Variants in TDRD9 observed in about 807,000 individuals in gnomAD.
The protein encoded by TDRD9 is ATP-dependent RNA helicase TDRD9.
Under a neutral mutation model 172.6 loss-of-function variants are expected in TDRD9, and 124 were observed. That is an observed-to-expected ratio of 0.72 (90% CI 0.62 to 0.83). The LOEUF (loss-of-function observed/expected upper bound fraction) is 0.83. TDRD9 is among the 40% of genes least tolerant of loss of function. The probability of loss-of-function intolerance (pLI) is 0.00; values close to 1 mark genes in which losing one functional copy is unlikely to be tolerated. For missense variants in TDRD9, 1,479 were observed against 1,714.1 expected, an observed-to-expected ratio of 0.86 and a Z score of 2.42; for synonymous variants, 619 against 617.1, an observed-to-expected ratio of 1.00 and a Z score of -0.05.
intron 34 of TDRD9, among the ~76,000 whole-genome samples, chr14:104,045,056 T>C (rs1236395425): frequency 6.6e-6 from 1 of 151,874 alleles, no homozygotes; most frequent in African/African-American, 2.4e-5. Context: ...GGCAGGAGAA[T>C]TGCTTGAACC....
intron 10 of TDRD9, 46 bp from the exon 11 acceptor site, chr14:103,994,473 A>T (rs1283691353): frequency 1.2e-6 from 2 of 1,604,808 alleles, no homozygotes; most frequent in East Asian, 2.2e-5. Context: ...TTTGTATCTC[A>T]TGTATATCTA....
chr14:103,978,211 T>C (rs759090104), intron 7 of TDRD9, among the ~76,000 whole-genome samples: 2 of 152,136 alleles, frequency 1.3e-5, no homozygotes, highest in South Asian at 2.1e-4. Context: ...GTGAAGAATG[T>C]CATTGGTATT....
intron 11 of TDRD9, among the ~76,000 whole-genome samples, chr14:103,995,068 T>C (rs1010983588): frequency 6.6e-6 from 1 of 152,256 alleles, no homozygotes; most frequent in Non-Finnish European, 1.5e-5. Flanking sequence ...TTTTGTGTTT[T>C]ATTTTGTAAA....
chr14:103,932,589 G>T (rs1341256295), intron 1 of TDRD9, among the ~76,000 whole-genome samples: 1 of 151,976 alleles, frequency 6.6e-6, no homozygotes, highest in Non-Finnish European at 1.5e-5. Context: ...GGGTTTCACC[G>T]TGTTAGCCAG....
At chr14:103,949,188 G>A (rs534602130) in intron 1 of TDRD9, among the ~76,000 whole-genome samples, 4 of 152,284 alleles carry the variant, frequency 2.6e-5, no homozygotes, top group African/African-American at 9.6e-5. Flanking sequence ...ATTGTGAATA[G>A]CATGATTCAT....
chr14:104,041,547 G>C (rs896461139), intron 33 of TDRD9, among the ~76,000 whole-genome samples: 2 of 152,190 alleles, frequency 1.3e-5, no homozygotes, highest in Non-Finnish European at 2.9e-5. Context: ...ACAAGCAACA[G>C]AATTAAAATA....
At chr14:104,008,957 A>G (rs1398916366) in intron 20 of TDRD9, among the ~76,000 whole-genome samples, 1 of 152,230 alleles carries the variant, frequency 6.6e-6, no homozygotes, top group Non-Finnish European at 1.5e-5. Flanking sequence ...TTTTTTACCC[A>G]CTAATACAAT....
intron 35 of TDRD9, 66 bp downstream of exon 35, chr14:104,049,746 A>C: frequency 7.2e-7 from 1 of 1,395,114 alleles, no homozygotes; most frequent in Non-Finnish European, 9.9e-7. Flanking sequence ...CCCTGGGCAG[A>C]CCCAGGGTTC....
chr14:103,988,797 A>G (rs2033768553), intron 8 of TDRD9, among the ~76,000 whole-genome samples: 1 of 150,294 alleles, frequency 6.7e-6, no homozygotes, highest in Admixed American at 6.7e-5. Context: ...GGCTCAATTG[A>G]TCCTCCCACC....
chr14:103,976,768 G>A (rs759141315), intron 7 of TDRD9, among the ~76,000 whole-genome samples: 1 of 152,140 alleles, frequency 6.6e-6, no homozygotes, highest in Non-Finnish European at 1.5e-5. Flanking sequence ...TTCCATAAAC[G>A]CTATACTAAT....
chr14:103,975,666 T>C, intron 7 of TDRD9, 113 bp downstream of exon 7: 1 of 1,025,520 alleles, frequency 9.8e-7, no homozygotes, highest in Admixed American at 2.9e-5. Flanking sequence ...ATTTTAAAAT[T>C]GATGCATACT....
intron 32 of TDRD9, among the ~76,000 whole-genome samples, chr14:104,036,571 A>G (rs953772063): frequency 1.3e-5 from 2 of 152,142 alleles, no homozygotes; most frequent in Non-Finnish European, 2.9e-5. Context: ...TAACTAGACA[A>G]AGCTCCTGCT....
At chr14:104,019,431 C>T (rs545996651) in intron 23 of TDRD9, among the ~76,000 whole-genome samples, 2 of 152,202 alleles carry the variant, frequency 1.3e-5, no homozygotes, top group South Asian at 4.1e-4. Flanking sequence ...GGCACAATCT[C>T]GGCTCACTGC....
At position 104,031,090 on chromosome 14, in the gene TDRD9, CTT is replaced by C. The variant is rs771005872; in HGVS notation, c.3283-15_3283-14del. ...TAATATTTTCTTTTAACAAAACAAA[CTT>C]TTCTTGTTTGTTCAGCAAAGCCATG... On this transcript the variant is annotated splice_polypyrimidine_tract_variant and intron_variant, in intron 28 of 35. Transcript: ENST00000409874. 6.5e-7 allele frequency: 1 copy of C among 1,538,666 alleles called. No homozygotes were observed. The highest frequency in any genetic ancestry group is 1.2e-5 in the South Asian group (1 of 80,600).
chr14:103,951,435 C>G (rs1014744756), intron 1 of TDRD9, among the ~76,000 whole-genome samples: 1 of 152,174 alleles, frequency 6.6e-6, no homozygotes, highest in Non-Finnish European at 1.5e-5. Context: ...GGTTTGAGAG[C>G]TAAACACTGG....
Position 103,966,737 on chromosome 14 carries a change from A to G in TDRD9, c.671A>G (p.Asp224Gly), listed in dbSNP as rs1307285178. The G allele has an allele frequency of 1.9e-6, 3 of 1,549,898 alleles. No homozygotes were observed. Among genetic ancestry groups the G allele is most frequent in the South Asian group, 1.2e-5 (1 of 83,810 alleles). The part of the protein sequence containing the change: ...QVGLEKIATE[D>G]TRLIYMTTGV... ...GGGCTAGAGAAAATAGCAACAGAGG[A>G]CACCAGGCTAATTTATATGACAACT... Residue 224 changes from aspartate to glycine, a missense_variant, in exon 5 of 36, where the codon GAC (aspartate) becomes GGC (glycine). Asp to Gly is a moderately conservative substitution (Grantham distance 94). Around this residue, in one of 3 missense-constraint regions of TDRD9, gnomAD observed 1,413 missense variants for 1,649.1 expected, o/e 0.86. Transcript: ENST00000409874.
chr14:103,952,729 C>CTTTTTTTTTT (rs68192057), intron 1 of TDRD9, among the ~76,000 whole-genome samples: 1 of 72,316 alleles, frequency 1.4e-5, no homozygotes, highest in African/African-American at 6.0e-5. Context: ...AATTCTCTCT[C>CTTTTTTTTTT]TTTTTTTTTT....
chr14:103,952,204 A>ATATATG (rs2031928702), intron 1 of TDRD9, among the ~76,000 whole-genome samples: 1 of 74,296 alleles, frequency 1.3e-5, no homozygotes, highest in Non-Finnish European at 2.4e-5. Context: ...ATATATATAT[A>ATATATG]TATATATATA....
chr14:103,943,446 T>C (rs1038434878), intron 1 of TDRD9, among the ~76,000 whole-genome samples: 2 of 150,632 alleles, frequency 1.3e-5, no homozygotes, highest in African/African-American at 2.4e-5. Flanking sequence ...TATGTATATG[T>C]ATTATATATG....
Sources: gnomAD v4.1 joint callset for allele counts (sites outside exome capture counted in the v4.1 genomes callset) on GRCh38, gnomAD v4.1.1 for gene constraint, gnomAD v4.1.1 regional missense constraint, MANE v1.5 for transcripts, NCBI Gene and HGNC (gene_info 2026-07-23, HGNC 2026-07-21) for gene names.